The following PAPOLG variants were observed in gnomAD, a reference collection of about 807,000 sequenced individuals.
The protein encoded by PAPOLG is poly(A) polymerase gamma, also known as PAP-gamma.
A neutral mutation model predicts 99.0 loss-of-function variants in PAPOLG; 40 were observed. That is an observed-to-expected ratio of 0.40 (90% CI 0.31 to 0.53). The LOEUF is 0.53. Among genes scored for constraint, PAPOLG ranks in the 20% least tolerant of loss-of-function variants. The pLI, the probability that PAPOLG is intolerant of heterozygous loss-of-function variation, is 0.41. For synonymous variants in PAPOLG, 310 were observed against 299.3 expected, an observed-to-expected ratio of 1.04 and a Z score of -0.37; for missense variants, 675 against 884.1, an observed-to-expected ratio of 0.76 and a Z score of 3.00.
At chr2:60,796,329 G>C (rs1573262623) in intron 21 of PAPOLG, among the ~76,000 whole-genome samples, 1 of 149,814 alleles carries the variant, frequency 6.7e-6, no homozygotes, top group Admixed American at 6.8e-5. Context: ...TAGTGGAAAA[G>C]GGTTTCACCA....
chr2:60,761,736 T>A lies in PAPOLG; in HGVS notation c.180-5T>A, dbSNP rs747977282. ...TGTTTTAATCTGAAGCATTTTTTTT[T>A]ATAGGCTGGTGGTTCTTGGTAAATT... On this transcript the variant is annotated splice_polypyrimidine_tract_variant and splice_region_variant and intron_variant, in intron 2 of 21. Transcript: ENST00000238714. The A allele has an allele frequency of 5.0e-6, 8 of 1,594,134 alleles. No homozygotes were observed. The highest frequency in any genetic ancestry group is 6.9e-6 in the Non-Finnish European group (8 of 1,167,304).
rs1671544491 is a variant in PAPOLG, at chr2:60,791,828, G to C, written c.1464G>C (p.Lys488Asn). The C allele has an allele frequency of 1.9e-6, 3 of 1,613,344 alleles. No homozygotes were observed. The highest frequency in any genetic ancestry group is 2.5e-6 in the Non-Finnish European group (3 of 1,179,830). Residue 488 changes from lysine (K) to asparagine (N), a missense_variant, in exon 16 of 22, where the codon AAG (lysine) becomes AAC (asparagine). Lys to Asn is a moderately conservative substitution (Grantham distance 94). This residue lies in a region of PAPOLG where 413 missense variants were observed against 460.5 expected (regional missense o/e 0.90). Transcript: ENST00000238714. ...EGMKIEATHVKKKQLHHYLPA... is the reference protein window; with the variant it reads ...EGMKIEATHVNKKQLHHYLPA... ...TGAAAATTGAAGCAACTCATGTAAA[G>C]AAAAAACAACTTCACCACTACCTTC...
At chr2:60,758,740 C>T (rs993030563) in intron 1 of PAPOLG, among the ~76,000 whole-genome samples, 3 of 152,036 alleles carry the variant, frequency 2.0e-5, no homozygotes, top group African/African-American at 7.3e-5. Context: ...CTAATGAGAT[C>T]TTTAGCTATT....
rs1410969573 is a variant in PAPOLG at position 60,800,548 on chromosome 2, T to A, written c.*3388T>A. On this transcript the variant is annotated 3_prime_UTR_variant, in exon 22 of 22. Coordinates refer to ENST00000238714, the MANE Select transcript of PAPOLG (RefSeq NM_022894.4). ...GAGTGCTTTGTTTTAAAGCAGCAAT[T>A]TAGTAGCATTATTAAAATGCTTACT... The A allele has an allele frequency of 6.6e-6, 1 of 152,364 alleles. No individual in the cohort carries two copies. The highest frequency in any genetic ancestry group is 2.1e-4 in the South Asian group (1 of 4,836). The allele number at this position is 152,364 out of a possible 1,614,324, so 9.4% of individuals were successfully genotyped here.
In PAPOLG at chr2:60,783,146, A is replaced by C; in HGVS notation, c.1113-10A>C. The C allele has an allele frequency of 6.4e-7, 1 of 1,558,198 alleles. No homozygotes were observed. On this transcript the variant is annotated splice_polypyrimidine_tract_variant and intron_variant, in intron 12 of 21. Coordinates refer to ENST00000238714, the MANE Select transcript of PAPOLG (RefSeq NM_022894.4). ...GCTTTTTTTCCTGATTGTTGCTGAA[A>C]ATTCTTCAGACATTATATAGTATTG...
At chr2:60,768,112 T>A (rs1227765812) in intron 3 of PAPOLG, among the ~76,000 whole-genome samples, 5 of 152,270 alleles carry the variant, frequency 3.3e-5, no homozygotes, top group East Asian at 3.9e-4. Context: ...TTTTTTTTTT[T>A]ATTTTTTGAG....
intron 3 of PAPOLG, among the ~76,000 whole-genome samples, chr2:60,763,795 C>T (rs1482989334): frequency 1.3e-5 from 2 of 151,206 alleles, no homozygotes; most frequent in East Asian, 2.0e-4. Context: ...TGAGCCATCA[C>T]ACCTGGCCTT....
intron 6 of PAPOLG, 55 bp from the exon 7 acceptor site, chr2:60,771,464 A>T: frequency 6.5e-7 from 1 of 1,536,338 alleles, no homozygotes; most frequent in Non-Finnish European, 8.7e-7. Flanking sequence ...ATGGGAGAGG[A>T]TGGATTAAAA....
chr2:60,796,165 G>C (rs1671689318), intron 21 of PAPOLG, among the ~76,000 whole-genome samples: 1 of 145,740 alleles, frequency 6.9e-6, no homozygotes, highest in Admixed American at 6.9e-5. Context: ...GTCATCTCTT[G>C]ACAAGAAACT....
At chr2:60,793,519 G>T in intron 17 of PAPOLG, 108 bp from the exon 18 acceptor site, 3 of 1,256,054 alleles carry the variant, frequency 2.4e-6, no homozygotes. Flanking sequence ...AGCTGTGATT[G>T]TGCCACTGCA....
intron 8 of PAPOLG, among the ~76,000 whole-genome samples, chr2:60,778,234 C>T (rs917648867): frequency 1.3e-5 from 2 of 152,166 alleles, no homozygotes; most frequent in African/African-American, 2.4e-5. Flanking sequence ...GCAGCCTCAA[C>T]CTTCTGGGCC....
At position 60,798,725 on chromosome 2, in the gene PAPOLG, A is replaced by C. The variant is rs1233411060; in HGVS notation, c.*1565A>C. 2 of 152,358 alleles carry C rather than the reference A, an allele frequency of 1.3e-5. No homozygotes were observed. The highest frequency in any genetic ancestry group is 2.9e-5 in the Non-Finnish European group (2 of 68,038). 9.4% of individuals were successfully genotyped at this position (152,358 alleles called of 1,614,324 possible). ...GAAATAGCAGTCCATTTTCTCTTGC[A>C]AGCCCTTTACCATTGAGTTGAAATT... On this transcript the variant is annotated 3_prime_UTR_variant, in exon 22 of 22. Coordinates refer to ENST00000238714, the MANE Select transcript of PAPOLG (RefSeq NM_022894.4).
In PAPOLG at chr2:60,791,834, A is replaced by G. The variant is rs141928326; in HGVS notation, c.1470A>G (p.Lys490=). The G allele has an allele frequency of 1.9e-4, 303 of 1,613,828 alleles. 1 individual carries two copies. In the African/African-American group the frequency reaches 3.4e-3, roughly 18 times the overall value. ...TTGAAGCAACTCATGTAAAGAAAAA[A>G]CAACTTCACCACTACCTTCCTGCAG... is the stretch of plus-strand genomic sequence containing the variant. ...MKIEATHVKK[K]QLHHYLPAEI... Residue 490 remains lysine, a synonymous_variant, in exon 16 of 22, where the codon AAA becomes AAG. Coordinates refer to ENST00000238714, the MANE Select transcript of PAPOLG (RefSeq NM_022894.4).
chr2:60,781,626 G>T (rs946973476), intron 10 of PAPOLG, among the ~76,000 whole-genome samples: 1 of 152,126 alleles, frequency 6.6e-6, no homozygotes, highest in Non-Finnish European at 1.5e-5. Flanking sequence ...GATTATAAGA[G>T]ATCATTGTTT....
At chr2:60,764,108 A>G (rs993580942) in intron 3 of PAPOLG, among the ~76,000 whole-genome samples, 2 of 151,986 alleles carry the variant, frequency 1.3e-5, no homozygotes, top group Non-Finnish European at 2.9e-5. Flanking sequence ...CTGCCTCACA[A>G]TTGAATTTTT....
chr2:60,758,756 G>A (rs961120172), intron 1 of PAPOLG, among the ~76,000 whole-genome samples: 12 of 152,038 alleles, frequency 7.9e-5, no homozygotes, highest in South Asian at 2.1e-4. Context: ...CTATTACAGC[G>A]TGTCTTACTC....
chr2:60,782,247 T>TTATATA (rs1397841305), intron 11 of PAPOLG, among the ~76,000 whole-genome samples: 1 of 152,216 alleles, frequency 6.6e-6, no homozygotes, highest in East Asian at 1.9e-4. Context: ...AGAAACAACA[T>TTATATA]TATATATATT....
rs183034775 is a variant in PAPOLG, at chr2:60,792,254, C to T, written c.1644C>T (p.Ser548=). The T allele has an allele frequency of 6.2e-7, 1 of 1,608,656 alleles. No individual in the cohort carries two copies. Among genetic ancestry groups the T allele is most frequent in the East Asian group, 2.2e-5 (1 of 44,822 alleles). The change falls in exon 17 of 22, where the codon TCC becomes TCT. Residue 548 remains serine (S), a synonymous_variant. Transcript: ENST00000238714. ...DNGTPFNSPA[S]KSDSPSVGET... The stretch of plus-strand genomic sequence containing the variant: ...GAACACCTTTTAATTCTCCAGCGTC[C>T]AAGTCTGATAGCCCTTCTGTAGGAG...
chr2:60,785,399 A>G (rs1671330498), intron 13 of PAPOLG, among the ~76,000 whole-genome samples: 1 of 152,206 alleles, frequency 6.6e-6, no homozygotes, highest in Non-Finnish European at 1.5e-5. Context: ...GGCCTCCCAG[A>G]GTGCTGGGAT....
Sources: allele counts gnomAD v4.1 joint callset (sites outside exome capture counted in the v4.1 genomes callset), GRCh38; gene constraint gnomAD v4.1.1; regional missense constraint gnomAD v4.1.1; transcripts MANE v1.5; gene names NCBI Gene and HGNC (gene_info 2026-07-23, HGNC 2026-07-21).